UBXN6: variants seen among roughly 807,000 people sequenced by gnomAD.
The protein encoded by UBXN6 is UBX domain-containing protein 6.
Under a neutral mutation model 51.4 loss-of-function variants are expected in UBXN6, and 44 were observed. The observed-to-expected ratio is 0.86, with a 90% CI of 0.67 to 1.10. UBXN6 has a LOEUF of 1.10. Among genes scored for constraint, UBXN6 ranks in the 50% least tolerant of loss-of-function variants. UBXN6 has a pLI of 0.00. For synonymous variants in UBXN6, 316 were observed against 263.2 expected, an observed-to-expected ratio of 1.20 and a Z score of -1.94; for missense variants, 672 against 596.1, an observed-to-expected ratio of 1.13 and a Z score of -1.32.
chr19:4,447,040 GC>G, intron 6 of UBXN6, 120 bp from the exon 7 acceptor site: 1 of 997,132 alleles, frequency 1.0e-6, no homozygotes, highest in Non-Finnish European at 1.5e-6. Flanking sequence ...CCTGGATGGG[GC>G]CCAGCCCTGG....
In UBXN6 at chr19:4,447,637, G is replaced by A. The variant is rs377124839; in HGVS notation, c.540-12C>T. The A allele has an allele frequency of 3.2e-4, 510 of 1,613,860 alleles. 4 individuals carry two copies. In the South Asian group the frequency reaches 5.3e-3, roughly 17 times the overall value. On this transcript the variant is annotated splice_polypyrimidine_tract_variant and intron_variant, in intron 5 of 10. Transcript: ENST00000301281. ...TGTTGTCCAGGTACCTGGGGTAGGT[G>A]GAGAAGGTGAGTGGGGCACAGCCCA...
At chr19:4,447,225 CT>C (rs1421490115) in intron 6 of UBXN6, 14 of 574,842 alleles carry the variant, frequency 2.4e-5, no homozygotes, top group Non-Finnish European at 4.0e-5. Flanking sequence ...AGTCCCTGCC[CT>C]TTCCCCCAGA....
rs756578803 is a variant in UBXN6 at position 4,445,658 on chromosome 19, G to A, written c.1201-35C>T. 3 of 1,594,454 alleles carry A rather than the reference G, an allele frequency of 1.9e-6. No individual in the cohort carries two copies. The Admixed American group carries it at 5.1e-5, about 27-fold the overall frequency. On this transcript the variant is annotated intron_variant, in intron 10 of 10. Coordinates refer to ENST00000301281, the MANE Select transcript of UBXN6 (RefSeq NM_025241.3). ...GGGTAGGCCGTCACTCTGAGACCGA[G>A]AGTCGGCCCTTGCCGCGGCAGGGAA...
intron 1 of UBXN6, 59 bp from the exon 2 acceptor site, chr19:4,454,152 G>A (rs754674686): frequency 2.3e-5 from 33 of 1,465,834 alleles, no homozygotes; most frequent in South Asian, 1.2e-4. Flanking sequence ...CAAAGCTGAC[G>A]TGCAGTCACA....
intron 2 of UBXN6, 49 bp downstream of exon 2, chr19:4,453,881 G>A (rs201286440): frequency 1.5e-5 from 23 of 1,576,860 alleles, no homozygotes; most frequent in African/African-American, 1.2e-4. Flanking sequence ...CACCAGGGCC[G>A]AGAACCTCAA....
In UBXN6 at chr19:4,446,546, A is replaced by C; in HGVS notation, c.874T>G (p.Phe292Val). Residue 292 changes from phenylalanine (F) to valine (V), a missense_variant, in exon 8 of 11, where the codon TTC (phenylalanine) becomes GTC (valine). Phe to Val is a conservative substitution (Grantham distance 50, BLOSUM62 -1). Transcript: ENST00000301281. ...ATCTCCTCTGCTGTGAGGTTGAAGA[A>C]GTCCCCAGGCAGTTCGAACTGCGAG... ...LASQFELPGD[F>V]FNLTAEEIKR... 6.2e-6 allele frequency: 10 copies of C among 1,612,318 alleles called. No individual in the cohort carries two copies. Among genetic ancestry groups the C allele is most frequent in the Non-Finnish European group, 8.5e-6 (10 of 1,179,880 alleles).
intron 4 of UBXN6, among the ~76,000 whole-genome samples, chr19:4,451,856 G>A (rs531049172): frequency 7.2e-5 from 11 of 151,858 alleles, no homozygotes; most frequent in African/African-American, 2.4e-4. Context: ...AACCTTTTAT[G>A]AAAAACAACC....
At chr19:4,455,401 C>T (rs1023331373) in intron 1 of UBXN6, 1 of 577,166 alleles carries the variant, frequency 1.7e-6, no homozygotes, top group African/African-American at 2.0e-5. Flanking sequence ...GGAGATGACT[C>T]ATGAAGACCC....
intron 3 of UBXN6, 31 bp downstream of exon 3, chr19:4,453,427 A>G (rs756493441): frequency 6.2e-7 from 1 of 1,608,680 alleles, no homozygotes; most frequent in African/African-American, 1.3e-5. Flanking sequence ...ACCCCTTGGC[A>G]TGGGACAGTG....
At chr19:4,455,095 G>A in intron 1 of UBXN6, 1 of 511,398 alleles carries the variant, frequency 2.0e-6, no homozygotes, top group Non-Finnish European at 2.5e-6. Flanking sequence ...CTACACCAAG[G>A]AGAGTTCCGT....
chr19:4,449,283 AGGGCCATGTGTCAGGATTC>A (rs1276251674), intron 4 of UBXN6: 1 of 152,716 alleles, frequency 6.5e-6, no homozygotes, highest in Non-Finnish European at 1.5e-5. Context: ...AGGGCAGCCC[AGGGCCATGTGTCAGGATTC>A]GGGCCACCTG....
upstream of UBXN6, chr19:4,457,810 A>T (rs1007475666): frequency 3.2e-5 from 19 of 593,324 alleles, 1 homozygote; most frequent in African/African-American, 1.2e-4. Flanking sequence ...AAAAAAAAAA[A>T]AAAAAAAAAA....
chr19:4,450,221 C>CAAAAAAAAAA (rs537622437), intron 4 of UBXN6: 1 of 49,180 alleles, frequency 2.0e-5, no homozygotes. Context: ...GACTCTGTCT[C>CAAAAAAAAAA]AAAAAAAAAA....
At chr19:4,446,990 C>A in intron 6 of UBXN6, 70 bp from the exon 7 acceptor site, 1 of 1,497,314 alleles carries the variant, frequency 6.7e-7, no homozygotes, top group Non-Finnish European at 9.2e-7. Flanking sequence ...CCCACCCAGT[C>A]CAGGGGCCCG....
chr19:4,452,654 G>A (rs553181583), intron 3 of UBXN6, among the ~76,000 whole-genome samples, 162 bp from the exon 4 acceptor site: 10 of 152,308 alleles, frequency 6.6e-5, no homozygotes, highest in East Asian at 1.9e-4. Flanking sequence ...CCAAGTGACC[G>A]GATCCCCGAG....
intron 3 of UBXN6, 63 bp downstream of exon 3, chr19:4,453,395 G>C (rs1008986094): frequency 1.3e-6 from 2 of 1,566,132 alleles, no homozygotes; most frequent in Admixed American, 3.6e-5. Flanking sequence ...CATCTCCCCC[G>C]TGACACAGTC....
chr19:4,447,564 T>C lies in UBXN6; in HGVS notation c.601A>G (p.Asn201Asp). ...EEKYRKIKLQ[N>D]KVFQERINCL... ...GGCACGCCCACCTGAAACACCTTGTTCTGCAGCTTGATCTTCCGGTACTTC... is the reference window on the plus strand; with the variant it reads ...GGCACGCCCACCTGAAACACCTTGTCCTGCAGCTTGATCTTCCGGTACTTC... The change falls in exon 6 of 11, where the codon AAC (asparagine) becomes GAC (aspartate). Residue 201 changes from asparagine to aspartate, a missense_variant. Asn to Asp is a conservative substitution (Grantham distance 23). Coordinates refer to ENST00000301281, the MANE Select transcript of UBXN6 (RefSeq NM_025241.3). 1 of 1,613,700 alleles carries C rather than the reference T, an allele frequency of 6.2e-7. No individual in the cohort carries two copies. Among genetic ancestry groups the C allele is most frequent in the Non-Finnish European group, 8.5e-7 (1 of 1,179,824 alleles).
Position 4,457,653 on chromosome 19 carries a change from C to T in UBXN6, c.45G>A (p.Lys15=), listed in dbSNP as rs1044510. Residue 15 remains lysine (K), a synonymous_variant, in exon 1 of 11, where the codon AAG becomes AAA. Coordinates refer to ENST00000301281, the MANE Select transcript of UBXN6 (RefSeq NM_025241.3). ...TGAGCTTCTGACCGGGTCCCGCGCT[C>T]TTGAACTTGATGTCGGCCTTGAACT... ...FQEFKADIKF[K]SAGPGQKLKE... 0.3 allele frequency: 481,568 copies of T among 1,599,462 alleles called. 77,642 individuals are homozygous for T. Among genetic ancestry groups the T allele is most frequent in the East Asian group, 0.62 (26,882 of 43,564 alleles).
At position 4,446,706 on chromosome 19, in the gene UBXN6, C is replaced by G. The variant is rs776470883; in HGVS notation, c.714G>C (p.Glu238Asp). ...AGGTGGTCTCGCTCAGCACGTAGAA[C>G]TCCTCGGGGTCCTCTACAGCGTGGC... ...LPAQDQEDPE[E>D]FYVLSETTLA... The change falls in exon 8 of 11, where the codon GAG becomes GAC. Residue 238 changes from glutamate to aspartate, a missense_variant. Glu to Asp is a conservative substitution (Grantham distance 45, BLOSUM62 2). Coordinates refer to ENST00000301281, the MANE Select transcript of UBXN6 (RefSeq NM_025241.3). 2 of 1,609,318 alleles carry G rather than the reference C, an allele frequency of 1.2e-6. No individual in the cohort carries two copies.
Sources: gnomAD v4.1 joint callset for allele counts (sites outside exome capture counted in the v4.1 genomes callset) on GRCh38, gnomAD v4.1.1 for gene constraint, MANE v1.5 for transcripts, NCBI Gene and HGNC (gene_info 2026-07-23, HGNC 2026-07-21) for gene names.